Variants in TMEM164 observed in about 807,000 individuals in gnomAD.
The protein encoded by TMEM164 is transmembrane protein 164, also known as RP13-360B22.2.
A neutral mutation model predicts 18.8 loss-of-function variants in TMEM164; 4 were observed. The ratio of observed to expected loss-of-function variants is 0.21; its 90% CI spans 0.10 to 0.49. The LOEUF (loss-of-function observed/expected upper bound fraction) is 0.49. Among genes scored for constraint, TMEM164 ranks in the 20% least tolerant of loss-of-function variants. TMEM164 has a pLI of 0.98. For synonymous variants in TMEM164, 86 were observed against 101.7 expected (o/e 0.85, Z 0.93); for missense variants, 108 against 239.9 (o/e 0.45, Z 3.63).
chrX:110,010,383 C>T (rs930003338), intron 2 of TMEM164, among the ~76,000 whole-genome samples: 2 of 112,880 alleles, frequency 1.8e-5, no homozygotes, highest in African/African-American at 6.4e-5. Flanking sequence ...TTGAGAATGT[C>T]TTGTCTCACG....
At chrX:110,032,526 A>G (rs1046166817) in intron 2 of TMEM164, among the ~76,000 whole-genome samples, 1 of 111,777 alleles carries the variant, frequency 8.9e-6, no homozygotes, top group African/African-American at 3.3e-5. Flanking sequence ...ATAGAAAAGC[A>G]GAACTCAAAA....
At chrX:110,068,721 T>C (rs905279236) in intron 3 of TMEM164, among the ~76,000 whole-genome samples, 1 of 111,376 alleles carries the variant, frequency 9.0e-6, no homozygotes, top group Non-Finnish European at 1.9e-5. Flanking sequence ...AGTGGTCCTT[T>C]CTTTTCCCTT....
At chrX:110,152,056 C>CTTTTTT (rs755801649) in intron 5 of TMEM164, among the ~76,000 whole-genome samples, 107 of 77,437 alleles carry the variant, frequency 1.4e-3, no homozygotes, top group African/African-American at 2.6e-3. Flanking sequence ...CTTTTCTTTT[C>CTTTTTT]TTTTTTTTTT....
intron 4 of TMEM164, among the ~76,000 whole-genome samples, chrX:110,136,240 C>T (rs1175725081): frequency 3.6e-5 from 4 of 111,293 alleles, no homozygotes; most frequent in Non-Finnish European, 7.5e-5. Context: ...ATGAATTCAT[C>T]GTGGTTTTTT....
At chrX:110,162,564 G>A (rs1339304708) in intron 5 of TMEM164, among the ~76,000 whole-genome samples, 4 of 112,153 alleles carry the variant, frequency 3.6e-5, no homozygotes, top group African/African-American at 9.7e-5. Flanking sequence ...ACAGAATAGA[G>A]GATAGGTTTT....
chrX:110,021,021 A>G (rs1473093946), intron 2 of TMEM164, among the ~76,000 whole-genome samples: 1 of 101,488 alleles, frequency 9.9e-6, no homozygotes, highest in Admixed American at 1.1e-4. Flanking sequence ...TTATATGTGC[A>G]TGTTTATGAG....
intron 2 of TMEM164, among the ~76,000 whole-genome samples, chrX:110,049,644 C>A (rs988577147): frequency 2.7e-5 from 3 of 111,212 alleles, no homozygotes; most frequent in African/African-American, 9.8e-5. Flanking sequence ...GGGTTGGGGA[C>A]CCCTGGCCTA....
chrX:110,122,295 A>G (rs1569338703), intron 4 of TMEM164, among the ~76,000 whole-genome samples: 1 of 108,907 alleles, frequency 9.2e-6, no homozygotes, highest in Non-Finnish European at 1.9e-5. Context: ...TGAAGCTGGA[A>G]ATCATCATTC....
intron 5 of TMEM164, among the ~76,000 whole-genome samples, chrX:110,155,848 T>G (rs768511745): frequency 1.2e-4 from 14 of 112,443 alleles, no homozygotes; most frequent in Non-Finnish European, 2.4e-4. Context: ...GTCCATCTCT[T>G]TGGCCTCATT....
chrX:110,017,405 C>CCTTCCTTCCTTTCTTTCTTTCTTT (rs1555984533), intron 2 of TMEM164, among the ~76,000 whole-genome samples: 7 of 15,275 alleles, frequency 4.6e-4, no homozygotes, highest in Admixed American at 1.1e-3. Flanking sequence ...CCACCTCCTT[C>CCTTCCTTCCTTTCTTTCTTTCTTT]CTTTCTTTCT....
At chrX:110,090,558 G>A (rs2065911010) in intron 3 of TMEM164, among the ~76,000 whole-genome samples, 1 of 110,767 alleles carries the variant, frequency 9.0e-6, no homozygotes, top group African/African-American at 3.3e-5. Flanking sequence ...TTTGTGATCC[G>A]CCTGTCTCAG....
At chrX:110,071,787 G>A (rs1444338952) in intron 3 of TMEM164, among the ~76,000 whole-genome samples, 1 of 107,668 alleles carries the variant, frequency 9.3e-6, no homozygotes, top group Non-Finnish European at 1.9e-5. Flanking sequence ...TGTAGTCCCA[G>A]CTACTTGAGA....
intron 2 of TMEM164, among the ~76,000 whole-genome samples, chrX:110,058,597 T>C (rs868365736): frequency 4.4e-5 from 4 of 91,397 alleles, no homozygotes; most frequent in African/African-American, 7.7e-5. Flanking sequence ...TCCCCTCCCC[T>C]CCCCTTTCTT....
chrX:110,036,784 A>G (rs1361850516), intron 2 of TMEM164, among the ~76,000 whole-genome samples: 1 of 112,164 alleles, frequency 8.9e-6, no homozygotes, highest in Admixed American at 9.5e-5. Flanking sequence ...TGTATCTGGT[A>G]GAAGTTTATG....
downstream of TMEM164, among the ~76,000 whole-genome samples, chrX:110,184,196 A>T (rs1172629508): frequency 9.1e-6 from 1 of 109,567 alleles, no homozygotes; most frequent in Non-Finnish European, 1.9e-5. Flanking sequence ...CATTTTGCTC[A>T]ATTTTGCTGT....
intron 2 of TMEM164, among the ~76,000 whole-genome samples, chrX:110,018,914 C>A (rs1020932475): frequency 6.2e-5 from 7 of 112,017 alleles, no homozygotes; most frequent in African/African-American, 2.3e-4. Context: ...AAAGTGCTAT[C>A]AAAATGAGAA....
chrX:110,093,907 A>G (rs915038765), intron 3 of TMEM164, among the ~76,000 whole-genome samples: 1 of 111,791 alleles, frequency 8.9e-6, no homozygotes, highest in African/African-American at 3.3e-5. Context: ...CATTGGTTTC[A>G]AAGAACATCT....
chrX:110,093,814 G>A (rs900822180), intron 3 of TMEM164, among the ~76,000 whole-genome samples: 1 of 111,897 alleles, frequency 8.9e-6, no homozygotes. Context: ...GCTTTCTCTT[G>A]TGGGCATTTA....
chrX:110,079,248 G>A (rs185476294), intron 3 of TMEM164, among the ~76,000 whole-genome samples: 23 of 111,578 alleles, frequency 2.1e-4, no homozygotes, highest in Admixed American at 2.0e-3. Context: ...GTATTCCCCG[G>A]TGAAGCTTTC....
Sources: allele counts gnomAD v4.1 joint callset (sites outside exome capture counted in the v4.1 genomes callset), GRCh38; gene constraint gnomAD v4.1.1; transcripts MANE v1.5; gene names NCBI Gene and HGNC (gene_info 2026-07-23, HGNC 2026-07-21).